The following DAB1 variants were observed in gnomAD, a reference collection of about 807,000 sequenced individuals.
DAB1 encodes DAB adaptor protein 1, also known as disabled homolog 1.
In DAB1, 15 loss-of-function variants were observed where a neutral mutation model predicts 64.6. That is an observed-to-expected ratio of 0.23 (90% CI 0.16 to 0.36). The LOEUF is 0.36. Ranked by LOEUF, DAB1 falls within the 10% of genes least tolerant of loss-of-function variation. The pLI is 1.00. For missense variants in DAB1, 596 were observed against 706.7 expected (o/e 0.84, Z 1.78); for synonymous variants, 235 against 251.9 (o/e 0.93, Z 0.64).
In DAB1 at chr1:58,300,846, G is replaced by A. The variant is rs968472056; in HGVS notation, n.309+42506C>T. On this transcript the variant is annotated intron_variant and non_coding_transcript_variant, in intron 4 of 20. Coordinates refer to the DAB1 transcript ENST00000485760. ...CTGAGTGGGGGCAGTGAAAGGGCAG[G>A]AATGGGCTTAAATCCCGCCCACATG... Among the ~76,000 whole-genome samples the A allele has an allele frequency of 5.9e-5, 9 of 152,220 alleles. No individual in the cohort carries two copies. In the South Asian group the frequency reaches 8.3e-4, roughly 14 times the overall value.
At chr1:57,826,258 T>G (rs1399225946) in exon 2 of DAB1, 1 of 152,228 alleles carries the variant, frequency 6.6e-6, no homozygotes, top group Non-Finnish European at 1.5e-5. Context: ...GGAGATGTGA[T>G]ATATGTATAT....
rs556804968 is a variant in DAB1 at position 57,404,719 on chromosome 1, C to A, written c.-137+19211G>T. 9.2e-5 allele frequency among the ~76,000 whole-genome samples: 14 copies of A among 152,252 alleles called. No individual in the cohort carries two copies. In the South Asian group the frequency reaches 2.7e-3, roughly 29 times the overall value. On this transcript the variant is annotated intron_variant, in intron 1 of 14. Transcript: ENST00000371236. ...ATGGTTAACAGGAGACTGCTATATG[C>A]AATGGATCCTTGCTTAAAATGGGTT...
chr1:58,101,578 T>C (rs1017411681), intron 5 of DAB1, among the ~76,000 whole-genome samples: 2 of 152,182 alleles, frequency 1.3e-5, no homozygotes, highest in African/African-American at 4.8e-5. Flanking sequence ...TTTGAACTTA[T>C]GGCCCAAGAG....
chr1:57,362,445 T>C (rs760010571), intron 1 of DAB1, among the ~76,000 whole-genome samples: 1 of 152,226 alleles, frequency 6.6e-6, no homozygotes, highest in Non-Finnish European at 1.5e-5. Flanking sequence ...TTCTTTCATG[T>C]TTAACTATAA....
chr1:58,227,936 T>G (rs1337401166), intron 4 of DAB1, among the ~76,000 whole-genome samples: 2 of 152,228 alleles, frequency 1.3e-5, no homozygotes, highest in Admixed American at 6.5e-5. Flanking sequence ...AAGCTCTCTA[T>G]GAGGCTGTAA....
chr1:57,888,723 C>G (rs922704862), upstream of DAB1, among the ~76,000 whole-genome samples: 1 of 151,974 alleles, frequency 6.6e-6, no homozygotes, highest in African/African-American at 2.4e-5. Flanking sequence ...TGTGTTTTAT[C>G]GCCAATAGAA....
chr1:57,808,932 C>T (rs1651493201), intron 6 of DAB1, among the ~76,000 whole-genome samples: 1 of 152,136 alleles, frequency 6.6e-6, no homozygotes, highest in Non-Finnish European at 1.5e-5. Flanking sequence ...TGTAACCTTC[C>T]TATTTTCCAG....
At chr1:57,816,271 G>A (rs900809391) in intron 6 of DAB1, among the ~76,000 whole-genome samples, 2 of 152,146 alleles carry the variant, frequency 1.3e-5, no homozygotes, top group African/African-American at 4.8e-5. Context: ...GACCTCTAAG[G>A]TTCCATCTCA....
At chr1:57,760,350 T>C (rs986079004) in intron 6 of DAB1, among the ~76,000 whole-genome samples, 2 of 152,088 alleles carry the variant, frequency 1.3e-5, no homozygotes, top group Non-Finnish European at 2.9e-5. Flanking sequence ...CCTTAATAAA[T>C]ACTTCTTGAA....
rs1012633749 is a variant in DAB1 at position 57,677,759 on chromosome 1, A to G, written n.552-28094T>C. Among the ~76,000 whole-genome samples the G allele has an allele frequency of 5.3e-5, 8 of 152,240 alleles. No homozygotes were observed. The South Asian group carries it at 1.4e-3, about 28-fold the overall frequency. ...TTTGGGTTGGGAAGGGTATACCTTC[A>G]GTCAAAAGAAATATGGATTGAATGC... is the stretch of plus-strand genomic sequence containing the variant. On this transcript the variant is annotated intron_variant and non_coding_transcript_variant, in intron 6 of 20. Transcript: ENST00000485760.
chr1:58,456,030 C>T (rs1293382662), intron 3 of DAB1, among the ~76,000 whole-genome samples: 2 of 152,220 alleles, frequency 1.3e-5, no homozygotes, highest in African/African-American at 2.4e-5. Flanking sequence ...GCCTCACTTG[C>T]GTCATCTATA....
At chr1:58,398,311 C>A (rs1253968568) in intron 3 of DAB1, among the ~76,000 whole-genome samples, 1 of 152,172 alleles carries the variant, frequency 6.6e-6, no homozygotes, top group East Asian at 1.9e-4. Flanking sequence ...CTATTATTAC[C>A]CAAGCCCTGC....
intron 5 of DAB1, among the ~76,000 whole-genome samples, chr1:58,010,799 C>G (rs1646657202): frequency 1.3e-5 from 2 of 152,212 alleles, no homozygotes; most frequent in African/African-American, 4.8e-5. Flanking sequence ...ACTAATCTAT[C>G]AGCTTCTCCT....
At chr1:58,506,345 G>T (rs1455126031) in intron 2 of DAB1, 3 of 560,632 alleles carry the variant, frequency 5.4e-6, no homozygotes, top group Non-Finnish European at 3.1e-6. Flanking sequence ...GTGCAGGTTT[G>T]TTACATACGT....
intron 2 of DAB1, among the ~76,000 whole-genome samples, chr1:57,271,159 C>T (rs1670965523): frequency 6.6e-6 from 1 of 152,194 alleles, no homozygotes; most frequent in South Asian, 2.1e-4. Context: ...GCCAGCTCAG[C>T]TCATTAAGTC....
chr1:58,017,857 G>C (rs968230119), intron 5 of DAB1, among the ~76,000 whole-genome samples: 1 of 152,160 alleles, frequency 6.6e-6, no homozygotes, highest in African/African-American at 2.4e-5. Flanking sequence ...GGAAGACAAA[G>C]GTTTATTGAG....
intron 5 of DAB1, among the ~76,000 whole-genome samples, chr1:57,894,153 C>T (rs1644358643): frequency 6.6e-6 from 1 of 152,218 alleles, no homozygotes; most frequent in Admixed American, 6.5e-5. Context: ...TCAAACCCCA[C>T]ATATCTCCTT....
intron 3 of DAB1, among the ~76,000 whole-genome samples, chr1:58,393,306 G>A (rs1406833431): frequency 6.6e-6 from 1 of 151,926 alleles, no homozygotes; most frequent in Non-Finnish European, 1.5e-5. Context: ...ACAAGTTAAT[G>A]CCCAAAGAGT....
At chr1:57,045,515 T>C (rs1648359577) in intron 9 of DAB1, among the ~76,000 whole-genome samples, 1 of 152,098 alleles carries the variant, frequency 6.6e-6, no homozygotes, top group Non-Finnish European at 1.5e-5. Context: ...CTGGCCAATA[T>C]GGAGAAATTC....
Sources: gnomAD v4.1 joint callset for allele counts (sites outside exome capture counted in the v4.1 genomes callset) on GRCh38, gnomAD v4.1.1 for gene constraint, MANE v1.5 for transcripts, NCBI Gene and HGNC (gene_info 2026-07-23, HGNC 2026-07-21) for gene names.